NAALADL2: variants seen among roughly 807,000 people sequenced by gnomAD.
NAALADL2 encodes inactive N-acetylated-alpha-linked acidic dipeptidase-like protein 2.
In NAALADL2, 76 loss-of-function variants were observed where a neutral mutation model predicts 87.2. That is an observed-to-expected ratio of 0.87 (90% CI 0.72 to 1.05). The LOEUF (loss-of-function observed/expected upper bound fraction) is 1.05, where lower values mean the gene tolerates loss of function less well. Ranked by LOEUF, NAALADL2 falls within the 50% of genes least tolerant of loss-of-function variation. The pLI, the probability that NAALADL2 is intolerant of heterozygous loss-of-function variation, is 0.00. For synonymous variants in NAALADL2, 354 were observed against 331.0 expected (o/e 1.07, Z -0.75); for missense variants, 1,089 against 945.8 (o/e 1.15, Z -1.99).
At chr3:174,671,903 G>A (rs1726572707) in intron 2 of NAALADL2, among the ~76,000 whole-genome samples, 1 of 151,202 alleles carries the variant, frequency 6.6e-6, no homozygotes, top group South Asian at 2.1e-4. Context: ...TTAGTGAAGT[G>A]TCTAGTTCAA....
chr3:175,306,428 C>T (rs2110265079), intron 4 of NAALADL2, among the ~76,000 whole-genome samples: 1 of 152,254 alleles, frequency 6.6e-6, no homozygotes, highest in Admixed American at 6.5e-5. Context: ...GTGGACATTC[C>T]TCCTACACAA....
chr3:175,473,798 A>C (rs899667738), intron 9 of NAALADL2, among the ~76,000 whole-genome samples: 1 of 152,146 alleles, frequency 6.6e-6, no homozygotes, highest in Admixed American at 6.6e-5. Flanking sequence ...ATAAAAAAGA[A>C]CTAAAATGAT....
intron 11 of NAALADL2, among the ~76,000 whole-genome samples, chr3:175,668,786 A>G (rs1733548800): frequency 6.6e-6 from 1 of 152,150 alleles, no homozygotes; most frequent in South Asian, 2.1e-4. Context: ...CGTGCGATAT[A>G]ATGAATAACA....
At chr3:174,605,162 A>G (rs1314600097) in intron 2 of NAALADL2, among the ~76,000 whole-genome samples, 1 of 152,234 alleles carries the variant, frequency 6.6e-6, no homozygotes, top group Non-Finnish European at 1.5e-5. Context: ...ACAAACAAGT[A>G]AAAGTAAAAC....
intron 5 of NAALADL2, among the ~76,000 whole-genome samples, chr3:175,359,961 C>T (rs1037038130): frequency 1.1e-4 from 16 of 152,094 alleles, no homozygotes; most frequent in African/African-American, 3.6e-4. Context: ...TGTATCTTTT[C>T]TCATTTAGCT....
chr3:174,968,884 T>TG (rs1271737421), intron 1 of NAALADL2, among the ~76,000 whole-genome samples: 1 of 152,200 alleles, frequency 6.6e-6, no homozygotes, highest in Non-Finnish European at 1.5e-5. Context: ...TTTGGGCCAC[T>TG]GGTTTTTAAA....
chr3:175,272,830 G>C (rs1480948389), intron 4 of NAALADL2, among the ~76,000 whole-genome samples: 1 of 151,798 alleles, frequency 6.6e-6, no homozygotes, highest in Non-Finnish European at 1.5e-5. Flanking sequence ...TCTGACTTAA[G>C]GTAAGGAACC....
chr3:175,061,764 C>A (rs1014637005), intron 1 of NAALADL2, among the ~76,000 whole-genome samples: 1 of 139,374 alleles, frequency 7.2e-6, no homozygotes, highest in Non-Finnish European at 1.6e-5. Context: ...GTTTTATACA[C>A]CACAAAATTA....
intron 11 of NAALADL2, among the ~76,000 whole-genome samples, chr3:175,715,124 G>C (rs528626197): frequency 2.0e-5 from 3 of 152,004 alleles, no homozygotes; most frequent in Non-Finnish European, 4.4e-5. Flanking sequence ...CCTTTCTTTA[G>C]TGTTACTCTT....
chr3:174,566,337 G>C (rs1309035945), intron 2 of NAALADL2, among the ~76,000 whole-genome samples: 1 of 151,744 alleles, frequency 6.6e-6, no homozygotes, highest in Non-Finnish European at 1.5e-5. Context: ...ACAATATTTT[G>C]TAGTTTTCTG....
intron 3 of NAALADL2, among the ~76,000 whole-genome samples, chr3:174,745,541 C>T (rs890958128): frequency 6.6e-5 from 10 of 152,132 alleles, no homozygotes; most frequent in Admixed American, 5.9e-4. Flanking sequence ...CCTTATGAAA[C>T]TATTCCAAAC....
At chr3:174,964,421 A>G (rs1742578861) in intron 1 of NAALADL2, among the ~76,000 whole-genome samples, 1 of 152,124 alleles carries the variant, frequency 6.6e-6, no homozygotes, top group Admixed American at 6.6e-5. Flanking sequence ...AAGATTTAGA[A>G]TATAGAATAA....
At chr3:175,675,903 G>T (rs1003970583) in intron 11 of NAALADL2, 3 of 152,038 alleles carry the variant, frequency 2.0e-5, no homozygotes, top group Admixed American at 2.0e-4. Flanking sequence ...TCTCAAGAAT[G>T]TTGTTTTTTC....
intron 5 of NAALADL2, among the ~76,000 whole-genome samples, chr3:175,330,248 G>A (rs971243088): frequency 2.6e-5 from 4 of 152,094 alleles, no homozygotes; most frequent in African/African-American, 4.8e-5. Context: ...AAATTTTGTA[G>A]CACTTCTTAT....
intron 5 of NAALADL2, among the ~76,000 whole-genome samples, chr3:175,354,873 CAT>C (rs201840775): frequency 1.3e-4 from 14 of 108,134 alleles, no homozygotes; most frequent in African/African-American, 3.9e-4. Flanking sequence ...TACATACATA[CAT>C]ATATATACAC....
intron 9 of NAALADL2, among the ~76,000 whole-genome samples, chr3:175,569,549 A>G (rs955714757): frequency 1.3e-5 from 2 of 152,142 alleles, no homozygotes; most frequent in African/African-American, 4.8e-5. Context: ...TTTGGAAAGT[A>G]CATAGGTCAT....
At chr3:175,716,182 TA>T (rs1741226553) in intron 11 of NAALADL2, among the ~76,000 whole-genome samples, 1 of 145,084 alleles carries the variant, frequency 6.9e-6, no homozygotes, top group South Asian at 2.1e-4. Context: ...AATACATATA[TA>T]ATATATGTAT....
intron 4 of NAALADL2, among the ~76,000 whole-genome samples, chr3:175,289,951 T>C (rs1755451067): frequency 6.6e-6 from 1 of 152,144 alleles, no homozygotes; most frequent in Non-Finnish European, 1.5e-5. Flanking sequence ...ATTATACAGA[T>C]GACAAATAAG....
intron 11 of NAALADL2, chr3:175,718,632 G>A (rs1270621891): frequency 4.4e-6 from 7 of 1,591,420 alleles, no homozygotes; most frequent in Admixed American, 1.7e-5. Context: ...CGGAAATTGC[G>A]AGGGACTTTT....
Sources: allele counts gnomAD v4.1 joint callset (sites outside exome capture counted in the v4.1 genomes callset), GRCh38; gene constraint gnomAD v4.1.1; transcripts MANE v1.5; gene names NCBI Gene and HGNC (gene_info 2026-07-23, HGNC 2026-07-21).